The following EGFR variants were observed in gnomAD, a reference collection of about 807,000 sequenced individuals.
The protein encoded by EGFR is avian erythroblastic leukemia viral (v-erb-b) oncogene homolog.
A neutral mutation model predicts 143.0 loss-of-function variants in EGFR; 58 were observed. The observed-to-expected ratio is 0.41, with a 90% CI of 0.33 to 0.50. The LOEUF is 0.50. Ranked by LOEUF, EGFR falls within the 20% of genes least tolerant of loss-of-function variation. The pLI, the probability that EGFR is intolerant of heterozygous loss-of-function variation, is 0.39. For synonymous variants in EGFR, 613 were observed against 594.4 expected, an observed-to-expected ratio of 1.03 and a Z score of -0.45; for missense variants, 1,307 against 1,579.0, an observed-to-expected ratio of 0.83 and a Z score of 2.92.
At chr7:55,123,420 T>G (rs2128915251) in intron 1 of EGFR, among the ~76,000 whole-genome samples, 1 of 152,306 alleles carries the variant, frequency 6.6e-6, no homozygotes, top group Non-Finnish European at 1.5e-5. Context: ...AAAACTTAAC[T>G]AAAAATACTG....
intron 1 of EGFR, among the ~76,000 whole-genome samples, chr7:55,059,002 T>C (rs1789003018): frequency 1.3e-5 from 2 of 152,216 alleles, no homozygotes; most frequent in African/African-American, 4.8e-5. Context: ...AAAATCTGAA[T>C]TGTAATCCTT....
chr7:55,075,010 A>C (rs928078910), intron 1 of EGFR, among the ~76,000 whole-genome samples: 1 of 152,232 alleles, frequency 6.6e-6, no homozygotes, highest in African/African-American at 2.4e-5. Context: ...TCACAATACC[A>C]GTAAAATCAC....
chr7:55,139,826 T>C (rs1442111063), intron 1 of EGFR, among the ~76,000 whole-genome samples: 2 of 152,128 alleles, frequency 1.3e-5, no homozygotes, highest in Admixed American at 6.5e-5. Context: ...TTAAACAAAT[T>C]GTCCAGTTGC....
intron 27 of EGFR, 164 bp downstream of exon 27, chr7:55,202,789 C>T (rs1206227872): frequency 8.2e-6 from 6 of 728,804 alleles, no homozygotes; most frequent in East Asian, 8.0e-5. Context: ...CAGATAAACA[C>T]ATGACCGAGC....
At chr7:55,032,948 T>TG (rs1184631862) in intron 1 of EGFR, among the ~76,000 whole-genome samples, 1 of 152,186 alleles carries the variant, frequency 6.6e-6, no homozygotes, top group African/African-American at 2.4e-5. Flanking sequence ...CAGTGCCAAG[T>TG]GTTCAAAGCC....
At chr7:55,155,727 A>T (rs1785375966) in intron 7 of EGFR, 103 bp from the exon 8 acceptor site, 2 of 858,204 alleles carry the variant, frequency 2.3e-6, no homozygotes, top group East Asian at 4.8e-5. Context: ...CCAAAGGAGG[A>T]TGGAGCCTTT....
intron 1 of EGFR, among the ~76,000 whole-genome samples, chr7:55,076,386 C>A (rs1790130362): frequency 6.6e-6 from 1 of 152,110 alleles, no homozygotes; most frequent in South Asian, 2.1e-4. Flanking sequence ...TCAAGGGCAC[C>A]AGTAAAATCT....
chr7:55,056,272 G>C (rs559192249), intron 1 of EGFR, among the ~76,000 whole-genome samples: 2 of 152,296 alleles, frequency 1.3e-5, no homozygotes, highest in Admixed American at 1.3e-4. Context: ...CCCGCATCTG[G>C]AACATGAAAG....
intron 1 of EGFR, among the ~76,000 whole-genome samples, chr7:55,024,499 T>C (rs2128857945): frequency 6.6e-6 from 1 of 152,334 alleles, no homozygotes. Flanking sequence ...ACTCAAGTTA[T>C]AATTTAGGGG....
At chr7:55,050,880 G>T (rs556789466) in intron 1 of EGFR, among the ~76,000 whole-genome samples, 1 of 152,124 alleles carries the variant, frequency 6.6e-6, no homozygotes, top group African/African-American at 2.4e-5. Context: ...TGCAGCACAC[G>T]CCCCCTCCAT....
chr7:55,030,237 C>G, intron 1 of EGFR, among the ~76,000 whole-genome samples: 1 of 152,212 alleles, frequency 6.6e-6, no homozygotes, highest in East Asian at 1.9e-4. Flanking sequence ...TGCCCCATCA[C>G]TTTTAGTTCT....
At chr7:55,109,605 T>C in intron 1 of EGFR, 1 of 351,478 alleles carries the variant, frequency 2.8e-6, no homozygotes, top group East Asian at 1.7e-4. Flanking sequence ...CGCTTTCCCA[T>C]GTGAGTCATT....
intron 1 of EGFR, among the ~76,000 whole-genome samples, chr7:55,117,155 T>C (rs2128911260): frequency 6.6e-6 from 1 of 152,306 alleles, no homozygotes; most frequent in African/African-American, 2.4e-5. Flanking sequence ...CCCCCAAAGA[T>C]TGCCACATAC....
intron 27 of EGFR, 48 bp downstream of exon 27, chr7:55,202,673 C>T (rs1562807291): frequency 5.2e-6 from 8 of 1,534,216 alleles, no homozygotes; most frequent in Admixed American, 1.9e-5. Context: ...CTCCTCGACC[C>T]ACTCAGCAGC....
intron 1 of EGFR, among the ~76,000 whole-genome samples, chr7:55,042,010 CT>C (rs1211069029): frequency 6.6e-6 from 1 of 152,136 alleles, no homozygotes; most frequent in Non-Finnish European, 1.5e-5. Context: ...ATTTCTTTCT[CT>C]GTATATGTAT....
chr7:55,201,302 CA>C lies in EGFR; in HGVS notation c.3062del (p.Gln1021ArgfsTer15). 6.2e-7 allele frequency: 1 copy of C among 1,614,154 alleles called. No individual in the cohort carries two copies. On this transcript the variant is annotated frameshift_variant, in exon 25 of 28. Transcript: ENST00000275493. LOFTEE classifies it high-confidence loss of function. The part of the protein sequence containing the change: ...VDADEYLIPQ[Q>X]GFFSSPSTSR... ...TGCCGACGAGTACCTCATCCCACAGCAGGGCTTCTTCAGCAGCCCCTCCACG... is the reference window on the plus strand; with the variant it reads ...TGCCGACGAGTACCTCATCCCACAGCGGGCTTCTTCAGCAGCCCCTCCACG...
chr7:55,081,963 A>C (rs568987083), intron 1 of EGFR, among the ~76,000 whole-genome samples: 54 of 152,350 alleles, frequency 3.5e-4, no homozygotes, highest in African/African-American at 1.2e-3. Flanking sequence ...TACTGCCTTT[A>C]CGATATCACT....
intron 1 of EGFR, among the ~76,000 whole-genome samples, chr7:55,059,717 A>C (rs1189095536): frequency 6.6e-6 from 1 of 152,178 alleles, no homozygotes; most frequent in Non-Finnish European, 1.5e-5. Flanking sequence ...TGTACACCAT[A>C]TTTTAATAAG....
chr7:55,062,363 C>A (rs189996173), intron 1 of EGFR, among the ~76,000 whole-genome samples: 1 of 152,158 alleles, frequency 6.6e-6, no homozygotes. Context: ...TAGAGTAACA[C>A]GTGAGCACTG....
Sources: gnomAD v4.1 joint callset for allele counts (sites outside exome capture counted in the v4.1 genomes callset) on GRCh38, gnomAD v4.1.1 for gene constraint, MANE v1.5 for transcripts, NCBI Gene and HGNC (gene_info 2026-07-23, HGNC 2026-07-21) for gene names.